The following KIAA0513 variants were observed in gnomAD, a reference collection of about 807,000 sequenced individuals.
KIAA0513 encodes the protein uncharacterized protein KIAA0513.
KIAA0513 carries 39 observed loss-of-function variants against 56.5 expected under a neutral mutation model. The observed-to-expected ratio is 0.69, with a 90% confidence interval of 0.53 to 0.90. The LOEUF (loss-of-function observed/expected upper bound fraction) is 0.90. Ranked by LOEUF, KIAA0513 falls within the 40% of genes least tolerant of loss-of-function variation. The probability of loss-of-function intolerance (pLI) is 0.00; values close to 1 mark genes in which losing one functional copy is unlikely to be tolerated. For missense variants in KIAA0513, 591 were observed against 535.2 expected (o/e 1.10, Z -1.03); for synonymous variants, 268 against 215.6 (o/e 1.24, Z -2.13).
chr16:85,072,977 C>G lies in KIAA0513; in HGVS notation c.482C>G (p.Ser161Cys). 6.2e-7 allele frequency: 1 copy of G among 1,614,146 alleles called. No individual in the cohort carries two copies. The highest frequency in any genetic ancestry group is 8.5e-7 in the Non-Finnish European group (1 of 1,179,984). The change falls in exon 4 of 13, where the codon TCT becomes TGT. Residue 161 changes from serine to cysteine, a missense_variant. By Grantham distance (112) the Ser-to-Cys change is moderately radical. Transcript: ENST00000683363. Reference protein sequence around the residue: ...SEATFYRLVQSFAVVLFECHQ... With the variant: ...SEATFYRLVQCFAVVLFECHQ... ...GCAACCTTCTACCGCCTGGTGCAGT[C>G]TTTTGCAGTGGTGCTGTTCGAGTAA...
chr16:85,093,185 C>G lies in KIAA0513; in HGVS notation c.*4860C>G, dbSNP rs572533088. Reference sequence around the variant, plus strand: ...TGAGTGAGAGTCCTTGGGAGCGCGGCGCTGCCTGTAGCTGTGCCTGGGGAT... The same window carrying G: ...TGAGTGAGAGTCCTTGGGAGCGCGGGGCTGCCTGTAGCTGTGCCTGGGGAT... On this transcript the variant is annotated 3_prime_UTR_variant, in exon 13 of 13. Transcript: ENST00000683363. 25 of 148,190 alleles carry G rather than the reference C, an allele frequency of 1.7e-4. No individual in the cohort carries two copies. Among genetic ancestry groups the G allele is most frequent in the Non-Finnish European group, 3.1e-4 (21 of 67,034 alleles). 9.2% of individuals were successfully genotyped at this position (148,190 alleles called of 1,614,324 possible).
chr16:85,043,554 G>A (rs958405882), intron 1 of KIAA0513, among the ~76,000 whole-genome samples: 1 of 151,952 alleles, frequency 6.6e-6, no homozygotes, highest in Non-Finnish European at 1.5e-5. Context: ...TGGGACTACA[G>A]GCGTGCGCCA....
intron 1 of KIAA0513, among the ~76,000 whole-genome samples, chr16:85,041,430 G>A (rs560339618): frequency 1.3e-5 from 2 of 152,236 alleles, no homozygotes; most frequent in Non-Finnish European, 2.9e-5. Flanking sequence ...GCCTCCTGGA[G>A]TCAGAGCGTA....
rs775254731 is a variant in KIAA0513, at chr16:85,077,613, C to T, written c.763C>T (p.Pro255Ser). 2 of 1,612,172 alleles carry T rather than the reference C, an allele frequency of 1.2e-6. No individual in the cohort carries two copies. Among genetic ancestry groups the T allele is most frequent in the Middle Eastern group, 1.7e-4 (1 of 6,056 alleles). ...FGGLETKLKG[P>S]LARRNEEDEN... The stretch of plus-strand genomic sequence containing the variant: ...GGGGCTGGAGACCAAGCTGAAGGGG[C>T]CCCTGGCCAGGAGGAACGAGTACGT... The change falls in exon 6 of 13, where the codon CCC becomes TCC. Residue 255 changes from proline (P) to serine (S), a missense_variant. Coordinates refer to ENST00000683363, the MANE Select transcript of KIAA0513 (RefSeq NM_001388359.1).
chr16:85,078,396 T>C lies in KIAA0513; in HGVS notation c.783-19T>C, dbSNP rs2291967. ...TGGTGTGAGTCGCGTGTGTCATCAT[T>C]GTGCCTTCTCTCCCTCAGGGAAGAC... On this transcript the variant is annotated intron_variant, in intron 6 of 12. Coordinates refer to ENST00000683363, the MANE Select transcript of KIAA0513 (RefSeq NM_001388359.1). The C allele has an allele frequency of 5.0e-6, 8 of 1,613,180 alleles. No individual in the cohort carries two copies. Among genetic ancestry groups the C allele is most frequent in the Non-Finnish European group, 6.8e-6 (8 of 1,179,480 alleles).
intron 4 of KIAA0513, 53 bp from the exon 5 acceptor site, chr16:85,075,791 A>C: frequency 2.0e-5 from 31 of 1,539,780 alleles, no homozygotes; most frequent in Non-Finnish European, 2.8e-5. Flanking sequence ...ACCGACTTGC[A>C]GGAAGAAGCA....
At position 85,093,022 on chromosome 16, in the gene KIAA0513, C is replaced by T. The variant is rs1018914054; in HGVS notation, c.*4697C>T. ...CCCGTGCATCCCTGGGCCTGGGTAT[C>T]ACATGCTCTCCAGGAAAGGGACGGA... On this transcript the variant is annotated 3_prime_UTR_variant, in exon 13 of 13. Coordinates refer to ENST00000683363, the MANE Select transcript of KIAA0513 (RefSeq NM_001388359.1). The T allele has an allele frequency of 1.3e-5, 2 of 152,300 alleles. No individual in the cohort carries two copies. The highest frequency in any genetic ancestry group is 4.8e-5 in the African/African-American group (2 of 41,444). The allele number at this position is 152,300 out of a possible 1,614,324, so 9.4% of individuals were successfully genotyped here.
intron 1 of KIAA0513, among the ~76,000 whole-genome samples, chr16:85,029,623 T>G (rs1420540822): frequency 6.6e-6 from 1 of 152,076 alleles, no homozygotes; most frequent in Non-Finnish European, 1.5e-5. Context: ...GCTGTCTGCT[T>G]CTCTCTCCTC....
At position 85,081,058 on chromosome 16, in the gene KIAA0513, C is replaced by T. The variant is rs960257812; in HGVS notation, c.903-257C>T. Among the ~76,000 whole-genome samples, 1 of 152,224 alleles carries T rather than the reference C, an allele frequency of 6.6e-6. No homozygotes were observed. Among genetic ancestry groups the T allele is most frequent in the African/African-American group, 2.4e-5 (1 of 41,456 alleles). ...CAGTGCCCTCCTGCCTGCAGCGCAG[C>T]CCGGGTTATCATAGCTTTCCCTCCC... is the stretch of plus-strand genomic sequence containing the variant. On this transcript the variant is annotated intron_variant, in intron 8 of 12. Coordinates refer to ENST00000683363, the MANE Select transcript of KIAA0513 (RefSeq NM_001388359.1). The surrounding 1 kb of genome is among the most constrained non-coding windows in gnomAD (Gnocchi z 4.4).
Position 85,091,377 on chromosome 16 carries a change from G to A in KIAA0513, c.*3052G>A, listed in dbSNP as rs1283185444. 1 of 152,190 alleles carries A rather than the reference G, an allele frequency of 6.6e-6. No individual in the cohort carries two copies. Among genetic ancestry groups the A allele is most frequent in the African/African-American group, 2.4e-5 (1 of 41,434 alleles). 9.4% of individuals were successfully genotyped at this position (152,190 alleles called of 1,614,324 possible). On this transcript the variant is annotated 3_prime_UTR_variant, in exon 13 of 13. Coordinates refer to ENST00000683363, the MANE Select transcript of KIAA0513 (RefSeq NM_001388359.1). ...CATGCGCATGTTTAACCACAGGCCA[G>A]AGAACTCAATTCTGATGTCGTAAGT... is the stretch of plus-strand genomic sequence containing the variant.
chr16:85,060,047 GCTT>G (rs1187717029), intron 1 of KIAA0513, among the ~76,000 whole-genome samples: 2 of 152,156 alleles, frequency 1.3e-5, no homozygotes, highest in South Asian at 4.1e-4. Flanking sequence ...TGCAACCTCC[GCTT>G]CCCGGGCTCA....
chr16:85,048,845 AC>A (rs1449975421), intron 1 of KIAA0513, among the ~76,000 whole-genome samples: 1 of 152,234 alleles, frequency 6.6e-6, no homozygotes, highest in Non-Finnish European at 1.5e-5. Context: ...CCTGTAGAAA[AC>A]AGTAGAACAC....
At chr16:85,030,837 A>C (rs2072954834) in intron 1 of KIAA0513, among the ~76,000 whole-genome samples, 1 of 151,834 alleles carries the variant, frequency 6.6e-6, no homozygotes, top group African/African-American at 2.4e-5. Context: ...CATCATGGGG[A>C]GGAGTCCTAA....
At chr16:85,046,287 C>T (rs2073170275) in intron 1 of KIAA0513, among the ~76,000 whole-genome samples, 1 of 152,208 alleles carries the variant, frequency 6.6e-6, no homozygotes, top group Non-Finnish European at 1.5e-5. Context: ...AGTTTAAAAA[C>T]AAACATCTTA....
intron 4 of KIAA0513, among the ~76,000 whole-genome samples, chr16:85,073,418 G>A (rs556353933): frequency 2.4e-3 from 366 of 152,278 alleles, no homozygotes; most frequent in South Asian, 6.4e-3. Context: ...CTTTCCCTGC[G>A]AACACTGATT....
intron 10 of KIAA0513, among the ~76,000 whole-genome samples, chr16:85,083,178 G>A (rs1411402734): frequency 6.6e-6 from 1 of 152,210 alleles, no homozygotes; most frequent in Non-Finnish European, 1.5e-5. Flanking sequence ...GGTGCGAGGG[G>A]CCCCCGAGGA....
chr16:85,082,865 C>T (rs1200837835), intron 10 of KIAA0513, among the ~76,000 whole-genome samples: 1 of 152,260 alleles, frequency 6.6e-6, no homozygotes, highest in Admixed American at 6.5e-5. Context: ...CCTTGAGACG[C>T]CCTGGCGACA....
rs1354210340 is a variant in KIAA0513, at chr16:85,088,498, C to T, written c.*173C>T. On this transcript the variant is annotated 3_prime_UTR_variant, in exon 13 of 13. Transcript: ENST00000683363. ...ATCCGCTGTTCCTCCCTCATCTCCT[C>T]TGCCTGTGTCTGCGACCCCCATCCA... 2 of 601,602 alleles carry T rather than the reference C, an allele frequency of 3.3e-6. No individual in the cohort carries two copies. The highest frequency in any genetic ancestry group is 2.8e-5 in the East Asian group (1 of 35,848). 37.3% of individuals were successfully genotyped at this position (601,602 alleles called of 1,614,324 possible). A position where few individuals can be genotyped will look rare whatever the true frequency, so the allele number is the denominator to read the frequency against.
At chr16:85,066,478 C>G (rs144135430) in intron 1 of KIAA0513, among the ~76,000 whole-genome samples, 1 of 152,144 alleles carries the variant, frequency 6.6e-6, no homozygotes, top group African/African-American at 2.4e-5. Flanking sequence ...GGTCAGAGCT[C>G]AGGAGGTGAG....
Sources: gnomAD v4.1 joint callset for allele counts (sites outside exome capture counted in the v4.1 genomes callset) on GRCh38, gnomAD v4.1.1 for gene constraint, Gnocchi (gnomAD v3.1) non-coding constraint, MANE v1.5 for transcripts, NCBI Gene and HGNC (gene_info 2026-07-23, HGNC 2026-07-21) for gene names.